Variants in GAB1 observed in about 807,000 individuals in gnomAD.
The protein encoded by GAB1 is GRB2-associated-binding protein 1.
GAB1 carries 19 observed loss-of-function variants against 66.5 expected under a neutral mutation model. That is an observed-to-expected ratio of 0.29 (90% CI 0.20 to 0.42). GAB1 has a LOEUF of 0.42. Among genes scored for constraint, GAB1 ranks in the 10% least tolerant of loss-of-function variants. The pLI is 1.00. For synonymous variants in GAB1, 294 were observed against 301.4 expected, an observed-to-expected ratio of 0.98 and a Z score of 0.25; for missense variants, 732 against 858.5, an observed-to-expected ratio of 0.85 and a Z score of 1.84.
rs1560725949 is a variant in GAB1 at position 143,373,868 on chromosome 4, A to ATATATATATATAT, written c.72+36608_72+36609insTATATATATATAT. ...CTCTCTCTCTCTCTGTAAATAAATAAATATATATATATATATATTTTTACC... is the reference window on the plus strand; with the variant it reads ...CTCTCTCTCTCTCTGTAAATAAATAATATATATATATATATATATATATATATATATTTTTACC... On this transcript the variant is annotated intron_variant, in intron 1 of 9. Transcript: ENST00000262994. Among the ~76,000 whole-genome samples, 710 of 93,586 alleles carry ATATATATATATAT rather than the reference A, an allele frequency of 7.6e-3. 46 individuals carry two copies. Among genetic ancestry groups the ATATATATATATAT allele is most frequent in the South Asian group, 0.021 (47 of 2,254 alleles). The allele number at this position is 93,586 out of a possible 152,430, so 61.4% of individuals were successfully genotyped here. A position where few individuals can be genotyped will look rare whatever the true frequency, so the allele number is the denominator to read the frequency against.
rs1578751053 is a variant in GAB1 at position 143,459,448 on chromosome 4, G to A, written c.1649G>A (p.Arg550Lys). ...PEWEELQAPV[R>K]SPITRSFARD... The stretch of plus-strand genomic sequence containing the variant: ...TGGGAAGAATTACAAGCCCCAGTTA[G>A]ATCTCCCATCACTAGGAGTTTTGCT... The change falls in exon 7 of 10, where the codon AGA becomes AAA. Residue 550 changes from arginine to lysine, a missense_variant. Arg to Lys is a conservative substitution (Grantham distance 26). Transcript: ENST00000262994. The A allele has an allele frequency of 6.2e-7, 1 of 1,605,048 alleles. No homozygotes were observed. Among genetic ancestry groups the A allele is most frequent in the Non-Finnish European group, 8.5e-7 (1 of 1,171,916 alleles).
At position 143,459,392 on chromosome 4, in the gene GAB1, A is replaced by G. The variant is rs1560786004; in HGVS notation, c.1593A>G (p.Pro531=). The change falls in exon 7 of 10, where the codon CCA becomes CCG. Residue 531 remains proline (P), a synonymous_variant. Coordinates refer to ENST00000262994, the MANE Select transcript of GAB1 (RefSeq NM_002039.4). ...RNLKPDRKVK[P]APLEIKPLPE... ...TTCTCTTTTTCTTTTCAGTCAAGCC[A>G]GCGCCTTTAGAAATAAAACCTTTGC... 2.5e-6 allele frequency: 4 copies of G among 1,598,440 alleles called. No individual in the cohort carries two copies. The highest frequency in any genetic ancestry group is 2.2e-5 in the South Asian group (2 of 90,752).
intron 1 of GAB1, chr4:143,391,451 T>C (rs2149686961): frequency 6.6e-6 from 1 of 152,328 alleles, no homozygotes; most frequent in African/African-American, 2.4e-5. Flanking sequence ...CAGCCAGCCA[T>C]CTGGGCAACA....
chr4:143,440,127 G>A lies in GAB1; in HGVS notation c.1330G>A (p.Asp444Asn). ...TVGSVSSEEL[D>N]ENYVPMNPNS... is the part of the protein sequence containing the mutation. Reference sequence around the variant, plus strand: ...GGGAAGTGTTTCAAGTGAAGAACTGGATGAAAATTACGTCCCAATGAATCC... The same window carrying A: ...GGGAAGTGTTTCAAGTGAAGAACTGAATGAAAATTACGTCCCAATGAATCC... Residue 444 changes from aspartate (D) to asparagine (N), a missense_variant, in exon 6 of 10, where the codon GAT becomes AAT. Asp to Asn is a conservative substitution (Grantham distance 23). Around this residue, in one of 4 missense-constraint regions of GAB1, gnomAD observed 427 missense variants for 420.6 expected, o/e 1.02. Transcript: ENST00000262994. 1 of 1,614,150 alleles carries A rather than the reference G, an allele frequency of 6.2e-7. No homozygotes were observed. Among genetic ancestry groups the A allele is most frequent in the African/African-American group, 1.3e-5 (1 of 75,036 alleles).
rs780591262 is a variant in GAB1 at position 143,415,770 on chromosome 4, A to AGGT, written c.367_367+2dup. On this transcript the variant is annotated inframe_insertion and splice_region_variant, in exon 2 of 10. Coordinates refer to ENST00000262994, the MANE Select transcript of GAB1 (RefSeq NM_002039.4). Reference sequence around the variant, plus strand: ...TCTGTGGGTTTAATCCAACAGAAGAAGGTAAGTTCAAGATATTACTATTCA... The same window carrying AGGT: ...TCTGTGGGTTTAATCCAACAGAAGAAGGTGGTAAGTTCAAGATATTACTATTCA... The AGGT allele has an allele frequency of 5.0e-6, 8 of 1,596,272 alleles. No individual in the cohort carries two copies. The East Asian group carries it at 1.6e-4, about 31-fold the overall frequency.
At chr4:143,403,358 CTA>C (rs1234364093) in intron 1 of GAB1, among the ~76,000 whole-genome samples, 1 of 152,256 alleles carries the variant, frequency 6.6e-6, no homozygotes, top group South Asian at 2.1e-4. Flanking sequence ...TCCATTGTAT[CTA>C]TTTCCTGTTG....
At chr4:143,357,405 A>G (rs1024800083) in intron 1 of GAB1, among the ~76,000 whole-genome samples, 1 of 152,192 alleles carries the variant, frequency 6.6e-6, no homozygotes, top group South Asian at 2.1e-4. Flanking sequence ...GTCCATTGGA[A>G]CCAGGGGTTA....
intron 1 of GAB1, among the ~76,000 whole-genome samples, chr4:143,412,697 C>A (rs183713887): frequency 2.0e-5 from 3 of 151,994 alleles, no homozygotes; most frequent in African/African-American, 7.3e-5. Context: ...GGAAGAGAAG[C>A]CCTGAAGGTT....
At chr4:143,372,856 A>T (rs1376210505) in intron 1 of GAB1, among the ~76,000 whole-genome samples, 1 of 152,162 alleles carries the variant, frequency 6.6e-6, no homozygotes, top group African/African-American at 2.4e-5. Context: ...AAATGGTATG[A>T]TGTCTATACT....
In GAB1 at chr4:143,444,947, T is replaced by C. The variant is rs1734431180; in HGVS notation, c.1585+4565T>C. Among the ~76,000 whole-genome samples, 6 of 152,184 alleles carry C rather than the reference T, an allele frequency of 3.9e-5. No individual in the cohort carries two copies. The South Asian group carries it at 1.2e-3, about 31-fold the overall frequency. On this transcript the variant is annotated intron_variant, in intron 6 of 9. Transcript: ENST00000262994. ...AAAGGAAATGATTTCATTCTTTTTA[T>C]GGCTGTGTAGTATATGTACCACATT... is the stretch of plus-strand genomic sequence containing the variant.
intron 6 of GAB1, among the ~76,000 whole-genome samples, chr4:143,444,867 G>A (rs1053695496): frequency 2.0e-5 from 3 of 152,066 alleles, no homozygotes; most frequent in Admixed American, 6.6e-5. Context: ...TTGGTTTTCT[G>A]TTCCTGCGTT....
intron 2 of GAB1, among the ~76,000 whole-genome samples, chr4:143,424,160 A>G (rs372576176): frequency 8.5e-5 from 13 of 152,322 alleles, no homozygotes; most frequent in Admixed American, 1.3e-4. Flanking sequence ...TAGTAGTTGC[A>G]GTGAAAAGCT....
intron 1 of GAB1, among the ~76,000 whole-genome samples, chr4:143,346,341 T>G (rs1268693395): frequency 6.6e-6 from 1 of 152,202 alleles, no homozygotes; most frequent in Non-Finnish European, 1.5e-5. Flanking sequence ...GAAATGTGGT[T>G]AGGCCACTTT....
At chr4:143,451,089 G>T (rs938359341) in intron 6 of GAB1, among the ~76,000 whole-genome samples, 2 of 152,182 alleles carry the variant, frequency 1.3e-5, no homozygotes, top group East Asian at 3.9e-4. Context: ...CACCGTCTAG[G>T]AGGGGATGTG....
At position 143,471,399 on chromosome 4, in the gene GAB1, A is replaced by G. The variant is rs1428392389; in HGVS notation, c.*2210A>G. Reference sequence around the variant, plus strand: ...TTAAATTAAAAGTTTCTTACAGAGCAGTATTTTCCAAACATTTTTAGCACT... The same window carrying G: ...TTAAATTAAAAGTTTCTTACAGAGCGGTATTTTCCAAACATTTTTAGCACT... On this transcript the variant is annotated 3_prime_UTR_variant, in exon 10 of 10. Coordinates refer to ENST00000262994, the MANE Select transcript of GAB1 (RefSeq NM_002039.4). 1 of 152,208 alleles carries G rather than the reference A, an allele frequency of 6.6e-6. No individual in the cohort carries two copies. The highest frequency in any genetic ancestry group is 1.5e-5 in the Non-Finnish European group (1 of 68,024). The allele number at this position is 152,208 out of a possible 1,614,324, so 9.4% of individuals were successfully genotyped here. A position where few individuals can be genotyped will look rare whatever the true frequency, so the allele number is the denominator to read the frequency against.
chr4:143,427,720 T>C (rs934942788), intron 2 of GAB1, among the ~76,000 whole-genome samples: 6 of 152,068 alleles, frequency 3.9e-5, no homozygotes, highest in African/African-American at 1.4e-4. Context: ...AAATTACCTA[T>C]CAGCAAAGGG....
chr4:143,460,155 G>C (rs1381480137), intron 7 of GAB1, among the ~76,000 whole-genome samples: 2 of 151,980 alleles, frequency 1.3e-5, no homozygotes, highest in Middle Eastern at 3.4e-3. Context: ...ATATTTTGCT[G>C]TCCAAAATAC....
intron 2 of GAB1, among the ~76,000 whole-genome samples, chr4:143,423,873 A>T (rs186523523): frequency 0.14 from 17,210 of 119,814 alleles, 2,735 homozygotes; most frequent in African/African-American, 0.38. Flanking sequence ...TTTTTTTTTT[A>T]AAAAAAAGGA....
intron 6 of GAB1, among the ~76,000 whole-genome samples, chr4:143,453,394 A>G (rs1393346736): frequency 3.3e-5 from 5 of 152,186 alleles, no homozygotes; most frequent in Non-Finnish European, 4.4e-5. Flanking sequence ...GGTAATGAAG[A>G]TGAAGAAGAA....
Sources: gnomAD v4.1 joint callset for allele counts (sites outside exome capture counted in the v4.1 genomes callset) on GRCh38, gnomAD v4.1.1 for gene constraint, gnomAD v4.1.1 regional missense constraint, MANE v1.5 for transcripts, NCBI Gene and HGNC (gene_info 2026-07-23, HGNC 2026-07-21) for gene names.